Variants in CFAP68 observed in about 807,000 individuals in gnomAD.
CFAP68 encodes cilia and flagella associated protein 68.
the CFAP68 span, chr11:111,883,207 G>A: frequency 1.3e-6 from 2 of 1,562,264 alleles, no homozygotes; most frequent in African/African-American, 1.4e-5. Context: ...CACATAGTAC[G>A]TGGACTGTTT....
At chr11:111,885,910 A>G in the CFAP68 span, 1 of 152,020 alleles carries the variant, frequency 6.6e-6, no homozygotes, top group Non-Finnish European at 1.5e-5. Flanking sequence ...TTAGTTATTG[A>G]AAAGACCATA....
At chr11:111,882,301 C>G in the CFAP68 span, 1 of 1,351,578 alleles carries the variant, frequency 7.4e-7, no homozygotes, top group Non-Finnish European at 1.0e-6. Flanking sequence ...AAAACAAGGG[C>G]AGGAAAAGAT....
chr11:111,881,345 G>T, the CFAP68 span: 2 of 1,466,298 alleles, frequency 1.4e-6, no homozygotes, highest in Non-Finnish European at 1.8e-6. Flanking sequence ...CAGATGGTAT[G>T]AGGGTAGTTA....
At chr11:111,885,559 A>G in the CFAP68 span, 2 of 152,208 alleles carry the variant, frequency 1.3e-5, no homozygotes, top group Non-Finnish European at 2.9e-5. Context: ...GTTTAAAATG[A>G]GTCAAAATAG....
chr11:111,883,106 G>C, the CFAP68 span: 2 of 1,490,542 alleles, frequency 1.3e-6, no homozygotes, highest in Non-Finnish European at 1.8e-6. Context: ...TAGACTTCCA[G>C]ATTCTTAATC....
At chr11:111,880,819 AT>A in the CFAP68 span, 1 of 456,294 alleles carries the variant, frequency 2.2e-6, no homozygotes, top group South Asian at 1.5e-5. Flanking sequence ...TAACAAGAAC[AT>A]GCTGTATTTG....
At chr11:111,884,610 C>G in the CFAP68 span, 2 of 152,066 alleles carry the variant, frequency 1.3e-5, no homozygotes, top group Non-Finnish European at 2.9e-5. Flanking sequence ...GGGTATAAGC[C>G]AGAGTCGTAT....
At chr11:111,879,543 T>C in the CFAP68 span, 8 of 1,609,976 alleles carry the variant, frequency 5.0e-6, no homozygotes, top group Non-Finnish European at 5.9e-6. Flanking sequence ...TTTTGAACCT[T>C]TTTTCACCTC....
chr11:111,881,342 T>C, the CFAP68 span: 6 of 1,464,712 alleles, frequency 4.1e-6, no homozygotes, highest in Non-Finnish European at 5.4e-6. Flanking sequence ...AGGCAGATGG[T>C]ATGAGGGTAG....
chr11:111,880,977 G>A, the CFAP68 span: 108 of 353,218 alleles, frequency 3.1e-4, 1 homozygote, highest in African/African-American at 1.8e-3. Context: ...AAGGTTTGGA[G>A]AGGAACAAGG....
chr11:111,879,975 G>C, the CFAP68 span, among the ~76,000 whole-genome samples: 1 of 152,200 alleles, frequency 6.6e-6, no homozygotes, highest in Non-Finnish European at 1.5e-5. Context: ...GAATAGTTGA[G>C]TTTGGCTGAA....
the CFAP68 span, among the ~76,000 whole-genome samples, chr11:111,879,975 G>A: frequency 6.6e-6 from 1 of 152,200 alleles, no homozygotes; most frequent in Non-Finnish European, 1.5e-5. Flanking sequence ...GAATAGTTGA[G>A]TTTGGCTGAA....
the CFAP68 span, chr11:111,881,413 C>G: frequency 6.5e-7 from 1 of 1,530,518 alleles, no homozygotes; most frequent in Non-Finnish European, 8.7e-7. Flanking sequence ...TGTGGAAAGG[C>G]AAGTGGGTGG....
At chr11:111,880,234 T>C in the CFAP68 span, among the ~76,000 whole-genome samples, 1 of 152,008 alleles carries the variant, frequency 6.6e-6, no homozygotes, top group African/African-American at 2.4e-5. Flanking sequence ...GGAGTGTGTG[T>C]TGTTTCCATG....
chr11:111,882,972 C>G, the CFAP68 span, among the ~76,000 whole-genome samples: 2 of 152,152 alleles, frequency 1.3e-5, no homozygotes, highest in Non-Finnish European at 2.9e-5. Flanking sequence ...CCTAAACAAA[C>G]AAACGTACAA....
the CFAP68 span, chr11:111,882,492 G>A: frequency 1.9e-6 from 3 of 1,614,150 alleles, no homozygotes; most frequent in Non-Finnish European, 2.5e-6. Context: ...GGATGGCGAT[G>A]CACCACTAAT....
At chr11:111,881,626 C>A in the CFAP68 span, 1 of 1,524,850 alleles carries the variant, frequency 6.6e-7, no homozygotes, top group Non-Finnish European at 8.8e-7. Flanking sequence ...GTATCATCTT[C>A]CTAAGTCAGG....
the CFAP68 span, chr11:111,883,175 A>G: frequency 1.3e-6 from 2 of 1,579,588 alleles, no homozygotes; most frequent in Non-Finnish European, 1.7e-6. Context: ...TACAAGCTAC[A>G]ACAACAAAAT....
the CFAP68 span, chr11:111,883,205 A>G: frequency 1.3e-6 from 2 of 1,564,250 alleles, no homozygotes; most frequent in Non-Finnish European, 1.7e-6. Flanking sequence ...AACACATAGT[A>G]CGTGGACTGT....
Sources: gnomAD v4.1 joint callset for allele counts (sites outside exome capture counted in the v4.1 genomes callset) on GRCh38, gnomAD v4.1.1 for gene constraint, MANE v1.5 for transcripts, NCBI Gene and HGNC (gene_info 2026-07-23, HGNC 2026-07-21) for gene names.